The following KCNIP4 variants were observed in gnomAD, a reference collection of about 807,000 sequenced individuals.
KCNIP4 encodes potassium voltage-gated channel interacting protein 4, also known as Kv channel-interacting protein 4.
KCNIP4 carries 12 observed loss-of-function variants against 34.0 expected under a neutral mutation model. That is an observed-to-expected ratio of 0.35 (90% confidence interval 0.23 to 0.57). KCNIP4 has a LOEUF of 0.57. Among genes scored for constraint, KCNIP4 ranks in the 20% least tolerant of loss-of-function variants. The probability of loss-of-function intolerance (pLI) is 0.83; values close to 1 mark genes in which losing one functional copy is unlikely to be tolerated. For missense variants in KCNIP4, 238 were observed against 311.7 expected (o/e 0.76, Z 1.78); for synonymous variants, 124 against 102.2 (o/e 1.21, Z -1.29).
intron 1 of KCNIP4, among the ~76,000 whole-genome samples, chr4:21,341,621 GA>G (rs1197316375): frequency 1.3e-5 from 2 of 152,122 alleles, no homozygotes; most frequent in African/African-American, 4.8e-5. Flanking sequence ...AAGGGAGTAA[GA>G]AGAGTATGAC....
At chr4:21,266,649 A>G (rs1407720018) in intron 1 of KCNIP4, among the ~76,000 whole-genome samples, 1 of 152,340 alleles carries the variant, frequency 6.6e-6, no homozygotes, top group East Asian at 1.9e-4. Context: ...ATTAGGCAGA[A>G]GGAGCTGCAT....
At chr4:21,693,717 C>A in intron 1 of KCNIP4, among the ~76,000 whole-genome samples, 1 of 152,284 alleles carries the variant, frequency 6.6e-6, no homozygotes, top group Non-Finnish European at 1.5e-5. Flanking sequence ...CCCTCTCATC[C>A]GTTAATCTAA....
At chr4:21,261,105 T>G (rs1283773274) in intron 1 of KCNIP4, among the ~76,000 whole-genome samples, 4 of 152,202 alleles carry the variant, frequency 2.6e-5, no homozygotes, top group African/African-American at 9.6e-5. Context: ...TCTAATATTG[T>G]CTGCTCTTAT....
At chr4:21,898,349 G>A (rs1400807012) in intron 1 of KCNIP4, among the ~76,000 whole-genome samples, 1 of 152,090 alleles carries the variant, frequency 6.6e-6, no homozygotes, top group Non-Finnish European at 1.5e-5. Flanking sequence ...CCCAACCCCA[G>A]GCAGCACAGC....
In KCNIP4 at chr4:21,498,606, G is replaced by A. The variant is rs537958759; in HGVS notation, c.61+449965C>T. 6.6e-5 allele frequency among the ~76,000 whole-genome samples: 10 copies of A among 152,296 alleles called. No homozygotes were observed. In the East Asian group the frequency reaches 1.7e-3, roughly 26 times the overall value. On this transcript the variant is annotated intron_variant, in intron 1 of 8. Transcript: ENST00000382152. ...GCTAATGCAATTGACCAGCTCAGCT[G>A]GGGGAAAATGAGTAAACAGACAAAC...
chr4:21,119,891 A>G lies in KCNIP4; in HGVS notation c.62-237182T>C, dbSNP rs115054961. 4.1e-3 allele frequency among the ~76,000 whole-genome samples: 618 copies of G among 152,268 alleles called. 2 individuals are homozygous for G. The highest frequency in any genetic ancestry group is 0.014 in the African/African-American group (592 of 41,566). On this transcript the variant is annotated intron_variant, in intron 1 of 8. Coordinates refer to ENST00000382152, the MANE Select transcript of KCNIP4 (RefSeq NM_025221.6). The stretch of plus-strand genomic sequence containing the variant: ...CTCCTTAACTAAGTGTTGTCTTTCA[A>G]TGTGTCAGCACTGACAACACTTTGT...
chr4:20,935,978 T>A (rs1352891841), intron 1 of KCNIP4, among the ~76,000 whole-genome samples: 1 of 152,200 alleles, frequency 6.6e-6, no homozygotes, highest in Non-Finnish European at 1.5e-5. Flanking sequence ...CACTTAACAA[T>A]CCTAATGATA....
chr4:21,623,056 C>G (rs1230432846), intron 1 of KCNIP4, among the ~76,000 whole-genome samples: 1 of 152,194 alleles, frequency 6.6e-6, no homozygotes, highest in Non-Finnish European at 1.5e-5. Context: ...AACTACAATA[C>G]TAGCAGCAAA....
intron 1 of KCNIP4, among the ~76,000 whole-genome samples, chr4:20,903,892 G>A (rs1377176814): frequency 6.6e-6 from 1 of 152,076 alleles, no homozygotes; most frequent in African/African-American, 2.4e-5. Context: ...TGTCATCCAC[G>A]CCTCCCTCCT....
chr4:20,868,628 T>C (rs964816042), intron 2 of KCNIP4, among the ~76,000 whole-genome samples: 10 of 152,080 alleles, frequency 6.6e-5, no homozygotes, highest in African/African-American at 2.4e-4. Context: ...GAAAATGAGG[T>C]ACACAGACAC....
intron 3 of KCNIP4, chr4:20,850,322 G>T: frequency 2.5e-6 from 1 of 394,936 alleles, no homozygotes; most frequent in Non-Finnish European, 4.6e-6. Context: ...AACTTTCTCA[G>T]AAACTCTTTG....
At chr4:20,956,941 A>T (rs1278290478) in intron 1 of KCNIP4, among the ~76,000 whole-genome samples, 1 of 152,236 alleles carries the variant, frequency 6.6e-6, no homozygotes, top group Non-Finnish European at 1.5e-5. Context: ...TTTTTATATA[A>T]AGTTCACTTA....
intron 1 of KCNIP4, among the ~76,000 whole-genome samples, chr4:21,737,242 C>T (rs984785850): frequency 6.6e-6 from 1 of 152,140 alleles, no homozygotes; most frequent in Non-Finnish European, 1.5e-5. Context: ...TTAATGTTCT[C>T]ATCATTCACA....
chr4:21,865,384 G>C (rs530719146), intron 1 of KCNIP4, among the ~76,000 whole-genome samples: 42 of 151,392 alleles, frequency 2.8e-4, no homozygotes, highest in African/African-American at 9.7e-4. Flanking sequence ...GAAAGGAAAG[G>C]ATAGAACAAG....
intron 1 of KCNIP4, among the ~76,000 whole-genome samples, chr4:21,017,234 G>A (rs1010403352): frequency 6.6e-6 from 1 of 152,156 alleles, no homozygotes; most frequent in African/African-American, 2.4e-5. Flanking sequence ...GGATATGCAG[G>A]TTTGTTACAT....
chr4:21,402,578 C>T (rs1723638326), intron 1 of KCNIP4, among the ~76,000 whole-genome samples: 1 of 152,198 alleles, frequency 6.6e-6, no homozygotes, highest in African/African-American at 2.4e-5. Flanking sequence ...TAACTCTCTT[C>T]CTTTTGCTCT....
intron 1 of KCNIP4, among the ~76,000 whole-genome samples, chr4:21,307,233 C>T (rs187021823): frequency 1.3e-5 from 2 of 151,290 alleles, no homozygotes; most frequent in African/African-American, 4.8e-5. Context: ...CATCCCAAGG[C>T]CTGAGGGTTT....
intron 1 of KCNIP4, among the ~76,000 whole-genome samples, chr4:21,434,197 T>C (rs560234942): frequency 6.6e-6 from 1 of 152,276 alleles, no homozygotes; most frequent in East Asian, 1.9e-4. Flanking sequence ...CAGATATTCA[T>C]GTTACAATTG....
chr4:21,180,628 GT>G (rs1236519983), intron 1 of KCNIP4, among the ~76,000 whole-genome samples: 1 of 151,300 alleles, frequency 6.6e-6, no homozygotes, highest in Non-Finnish European at 1.5e-5. Context: ...CTGTTGGCAA[GT>G]TGCAATGGCT....
Sources: allele counts gnomAD v4.1 joint callset (sites outside exome capture counted in the v4.1 genomes callset), GRCh38; gene constraint gnomAD v4.1.1; transcripts MANE v1.5; gene names NCBI Gene and HGNC (gene_info 2026-07-23, HGNC 2026-07-21).